Variants in RSPH3 observed in about 807,000 individuals in gnomAD.
RSPH3 encodes the protein radial spoke head protein 3 homolog.
RSPH3 carries 21 observed loss-of-function variants against 43.8 expected under a neutral mutation model. That is an observed-to-expected ratio of 0.48 (90% confidence interval 0.34 to 0.69). The LOEUF (loss-of-function observed/expected upper bound fraction) is 0.69, where lower values mean the gene tolerates loss of function less well. Among genes scored for constraint, RSPH3 ranks in the 30% least tolerant of loss-of-function variants. The pLI is 0.01. For synonymous variants in RSPH3, 173 were observed against 179.8 expected (o/e 0.96, Z 0.30); for missense variants, 487 against 516.0 (o/e 0.94, Z 0.54).
intron 3 of RSPH3, among the ~76,000 whole-genome samples, chr6:158,984,014 G>A (rs1022893102): frequency 6.6e-6 from 1 of 151,918 alleles, no homozygotes; most frequent in Non-Finnish European, 1.5e-5. Flanking sequence ...CGTGCCTGTG[G>A]TCCCAGCCAC....
At chr6:158,997,782 A>G (rs1778645476) in intron 1 of RSPH3, among the ~76,000 whole-genome samples, 1 of 152,236 alleles carries the variant, frequency 6.6e-6, no homozygotes, top group Admixed American at 6.5e-5. Flanking sequence ...TGTTTTTGGA[A>G]GGATTAGAAA....
chr6:158,986,224 G>A, intron 3 of RSPH3, 56 bp downstream of exon 3: 1 of 1,569,958 alleles, frequency 6.4e-7, no homozygotes, highest in Non-Finnish European at 8.7e-7. Flanking sequence ...AAAATGAACT[G>A]ACATAGACAA....
In RSPH3 at chr6:158,973,955, C is replaced by A. The variant is rs751585266; in HGVS notation, c.*3583G>T. The A allele has an allele frequency of 1.3e-5, 2 of 151,838 alleles. No homozygotes were observed. The highest frequency in any genetic ancestry group is 2.9e-5 in the Non-Finnish European group (2 of 67,994). The allele number at this position is 151,838 out of a possible 1,614,324, so 9.4% of individuals were successfully genotyped here. On this transcript the variant is annotated 3_prime_UTR_variant, in exon 8 of 8. Coordinates refer to ENST00000367069, the MANE Select transcript of RSPH3 (RefSeq NM_031924.8). ...CCGAGTAGCTGGGATTATAGGCATG[C>A]GTCACCATACCCAGCTAATTTTTGT...
chr6:158,980,238 C>G (rs1179833429), intron 6 of RSPH3, among the ~76,000 whole-genome samples: 20 of 152,148 alleles, frequency 1.3e-4, no homozygotes, highest in Admixed American at 1.3e-3. Context: ...ACCAGCCTGG[C>G]CAACATGGCG....
intron 4 of RSPH3, among the ~76,000 whole-genome samples, chr6:158,983,033 G>A (rs546051806): frequency 6.6e-6 from 1 of 152,072 alleles, no homozygotes; most frequent in Non-Finnish European, 1.5e-5. Context: ...AAGAATGAGA[G>A]ATATTTTGGT....
chr6:158,988,563 CTT>C (rs1186794225), intron 2 of RSPH3, among the ~76,000 whole-genome samples: 1 of 152,078 alleles, frequency 6.6e-6, no homozygotes, highest in Admixed American at 6.5e-5. Flanking sequence ...TATAAGCAGT[CTT>C]TGTTTCTTCT....
At chr6:158,967,928 T>C (rs1428044875), downstream of RSPH3, among the ~76,000 whole-genome samples, 1 of 152,218 alleles carries the variant, frequency 6.6e-6, no homozygotes, top group Non-Finnish European at 1.5e-5. Context: ...GCCATATCTT[T>C]GTCCATCCTT....
chr6:158,966,738 A>G, the RSPH3 span, among the ~76,000 whole-genome samples: 4 of 150,646 alleles, frequency 2.7e-5, no homozygotes, highest in African/African-American at 9.7e-5. Context: ...TGGGTTTGTC[A>G]ATTTTGTTAA....
the RSPH3 span, among the ~76,000 whole-genome samples, chr6:158,966,840 T>C: frequency 6.6e-6 from 1 of 152,162 alleles, no homozygotes; most frequent in Non-Finnish European, 1.5e-5. Flanking sequence ...CTAATCTTTA[T>C]TATTTTCTTT....
intron 6 of RSPH3, 63 bp from the exon 7 acceptor site, chr6:158,978,409 A>C (rs918713270): frequency 2.5e-6 from 2 of 800,076 alleles, no homozygotes; most frequent in African/African-American, 3.4e-5. Context: ...TTTTCTCTTA[A>C]TGTAATAGAC....
chr6:158,971,605 C>G (rs1777694758), downstream of RSPH3, among the ~76,000 whole-genome samples: 1 of 152,132 alleles, frequency 6.6e-6, no homozygotes, highest in Non-Finnish European at 1.5e-5. Flanking sequence ...ACAGCAGTCC[C>G]TCTTCCCTGG....
At chr6:158,981,029 T>C (rs886234573) in intron 5 of RSPH3, 93 bp from the exon 6 acceptor site, 3 of 1,241,594 alleles carry the variant, frequency 2.4e-6, no homozygotes, top group African/African-American at 1.5e-5. Context: ...TCCAGACTTA[T>C]CAAAAAATGG....
At position 158,976,270 on chromosome 6, in the gene RSPH3, G is replaced by T. The variant is rs932832348; in HGVS notation, c.*1268C>A. 2 of 152,156 alleles carry T rather than the reference G, an allele frequency of 1.3e-5. No homozygotes were observed. Among genetic ancestry groups the T allele is most frequent in the Admixed American group, 6.5e-5 (1 of 15,280 alleles). The allele number at this position is 152,156 out of a possible 1,614,324, so 9.4% of individuals were successfully genotyped here. A position where few individuals can be genotyped will look rare whatever the true frequency, so the allele number is the denominator to read the frequency against. On this transcript the variant is annotated 3_prime_UTR_variant, in exon 8 of 8. Transcript: ENST00000367069. ...AGACTTCAGTTATTGCTTACGATTA[G>T]GAAGGCTTTGGAGAGAAAATAACTT... is the stretch of plus-strand genomic sequence containing the variant.
At chr6:158,985,697 G>T (rs1283298901) in intron 3 of RSPH3, among the ~76,000 whole-genome samples, 1 of 151,730 alleles carries the variant, frequency 6.6e-6, no homozygotes, top group Non-Finnish European at 1.5e-5. Flanking sequence ...TTACAGATGT[G>T]AGCCACCGTG....
chr6:158,987,899 A>C (rs1778285411), intron 2 of RSPH3, among the ~76,000 whole-genome samples: 1 of 152,236 alleles, frequency 6.6e-6, no homozygotes, highest in African/African-American at 2.4e-5. Flanking sequence ...AGTGGACCGC[A>C]TACCACAGTT....
At chr6:158,986,444 C>A (rs761367848) in intron 2 of RSPH3, 23 bp from the exon 3 acceptor site, 3 of 1,589,186 alleles carry the variant, frequency 1.9e-6, no homozygotes, top group African/African-American at 1.4e-5. Flanking sequence ...GAAAATACTT[C>A]TAGAATTTAG....
At chr6:158,998,673 T>G (rs867287127) in intron 1 of RSPH3, among the ~76,000 whole-genome samples, 1 of 149,930 alleles carries the variant, frequency 6.7e-6, no homozygotes, top group South Asian at 2.1e-4. Context: ...CTGGCCAACG[T>G]GGCAAAACCC....
downstream of RSPH3, among the ~76,000 whole-genome samples, chr6:158,969,182 T>A (rs1435410384): frequency 2.0e-5 from 3 of 152,250 alleles, no homozygotes; most frequent in Non-Finnish European, 2.9e-5. Flanking sequence ...CCCTTTAGTA[T>A]TTCTTGTAGG....
At chr6:158,993,314 C>T (rs551579914) in intron 2 of RSPH3, among the ~76,000 whole-genome samples, 1 of 152,032 alleles carries the variant, frequency 6.6e-6, no homozygotes, top group South Asian at 2.1e-4. Flanking sequence ...GACGGGGTTT[C>T]ACCATGTTGG....
Sources: allele counts gnomAD v4.1 joint callset (sites outside exome capture counted in the v4.1 genomes callset), GRCh38; gene constraint gnomAD v4.1.1; transcripts MANE v1.5; gene names NCBI Gene and HGNC (gene_info 2026-07-23, HGNC 2026-07-21).